Variants in CARD8 observed in about 807,000 individuals in gnomAD.
The protein encoded by CARD8 is caspase recruitment domain family member 8.
Under a neutral mutation model 53.2 loss-of-function variants are expected in CARD8, and 38 were observed. The ratio of observed to expected loss-of-function variants is 0.71; its 90% CI spans 0.55 to 0.94. The LOEUF is 0.94. Among genes scored for constraint, CARD8 ranks in the 40% least tolerant of loss-of-function variants. The probability of loss-of-function intolerance (pLI) is 0.00; values close to 1 mark genes in which losing one functional copy is unlikely to be tolerated. For synonymous variants in CARD8, 245 were observed against 244.9 expected, an observed-to-expected ratio of 1.00 and a Z score of 0.00; for missense variants, 561 against 655.5, an observed-to-expected ratio of 0.86 and a Z score of 1.57.
At chr19:48,237,687 C>G (rs529047686) in intron 5 of CARD8, among the ~76,000 whole-genome samples, 4 of 151,424 alleles carry the variant, frequency 2.6e-5, no homozygotes, top group Non-Finnish European at 5.9e-5. Flanking sequence ...ATTCCAGCTA[C>G]TTGGGAGGCT....
intron 3 of CARD8, among the ~76,000 whole-genome samples, chr19:48,243,706 C>G (rs1568911001): frequency 6.6e-6 from 1 of 152,064 alleles, no homozygotes; most frequent in Non-Finnish European, 1.5e-5. Flanking sequence ...TCTCATGAAG[C>G]CAGGCACAGT....
At chr19:48,218,507 ACCACACCT>A (rs2039830290) in intron 12 of CARD8, among the ~76,000 whole-genome samples, 1 of 151,916 alleles carries the variant, frequency 6.6e-6, no homozygotes, top group Non-Finnish European at 1.5e-5. Flanking sequence ...GGCATGTACC[ACCACACCT>A]GGCTAATTTT....
chr19:48,246,110 C>A (rs543396291), intron 3 of CARD8, among the ~76,000 whole-genome samples: 2 of 152,214 alleles, frequency 1.3e-5, no homozygotes, highest in East Asian at 3.9e-4. Context: ...AGTCTGTGAC[C>A]GTTTCTTATT....
intron 11 of CARD8, among the ~76,000 whole-genome samples, chr19:48,219,897 G>A (rs1022227730): frequency 6.6e-6 from 1 of 152,122 alleles, no homozygotes; most frequent in Non-Finnish European, 1.5e-5. Flanking sequence ...CTTGAACCCA[G>A]GGAAAGAAGG....
At chr19:48,214,827 C>T (rs1320906880) in intron 13 of CARD8, among the ~76,000 whole-genome samples, 86 of 115,752 alleles carry the variant, frequency 7.4e-4, no homozygotes, top group Non-Finnish European at 1.6e-5. Flanking sequence ...CTTGCTCTGT[C>T]GCCCAGGCTG....
At position 48,241,154 on chromosome 19, in the gene CARD8, C is replaced by A. The variant is rs576314679; in HGVS notation, c.-43-91G>T. On this transcript the variant is annotated intron_variant, in intron 3 of 13. Transcript: ENST00000651546. ...TGTGTCTCTCAAAGGTTGACAAAAGCGCTTATTGCTCATTCACAAGAGATG... is the reference window on the plus strand; with the variant it reads ...TGTGTCTCTCAAAGGTTGACAAAAGAGCTTATTGCTCATTCACAAGAGATG... 2.7e-5 allele frequency: 19 copies of A among 711,088 alleles called. No homozygotes were observed. In the East Asian group the frequency reaches 4.9e-4, roughly 18 times the overall value. The allele number at this position is 711,088 out of a possible 1,614,324, so 44.0% of individuals were successfully genotyped here. A position where few individuals can be genotyped will look rare whatever the true frequency, so the allele number is the denominator to read the frequency against.
At chr19:48,255,473 TAAC>T (rs1377293904) in intron 1 of CARD8, among the ~76,000 whole-genome samples, 3 of 152,238 alleles carry the variant, frequency 2.0e-5, no homozygotes, top group Non-Finnish European at 2.9e-5. Flanking sequence ...TTATTAGTAT[TAAC>T]AACATAAACA....
chr19:48,230,193 CCTT>C (rs758112826), intron 10 of CARD8, among the ~76,000 whole-genome samples: 1 of 152,178 alleles, frequency 6.6e-6, no homozygotes, highest in Non-Finnish European at 1.5e-5. Context: ...CTAACTTTCT[CCTT>C]CTTGAGAGCC....
chr19:48,233,849 AC>A, intron 6 of CARD8: 1 of 161,432 alleles, frequency 6.2e-6, no homozygotes, highest in Middle Eastern at 3.1e-3. Flanking sequence ...TCATTTTTCT[AC>A]ACTTTTCAGC....
Position 48,211,506 on chromosome 19 carries a change from T to A in CARD8, c.*204A>T. ...AAAATTTAAAAGGAATATTACTACC[T>A]TCTTCAGACATTCTTGAGGAAAATG... On this transcript the variant is annotated 3_prime_UTR_variant, in exon 14 of 14. Transcript: ENST00000651546. 1.8e-6 allele frequency: 1 copy of A among 560,934 alleles called. No homozygotes were observed. Among genetic ancestry groups the A allele is most frequent in the South Asian group, 2.4e-5 (1 of 41,748 alleles). The allele number at this position is 560,934 out of a possible 1,614,324, so 34.7% of individuals were successfully genotyped here.
At chr19:48,242,641 G>T (rs1277448173) in intron 3 of CARD8, 2 of 152,142 alleles carry the variant, frequency 1.3e-5, no homozygotes, top group African/African-American at 4.8e-5. Context: ...GTTCCACTTT[G>T]GGGCTGTTAT....
chr19:48,255,914 G>A (rs981441401), upstream of CARD8: 2 of 152,190 alleles, frequency 1.3e-5, no homozygotes, highest in African/African-American at 4.8e-5. Context: ...TCGCAGAGGA[G>A]GTGGGCTTTC....
chr19:48,213,912 A>G (rs1403873335), intron 13 of CARD8, among the ~76,000 whole-genome samples: 1 of 152,084 alleles, frequency 6.6e-6, no homozygotes, highest in African/African-American at 2.4e-5. Context: ...AAATATTTCA[A>G]CTTTTATTCT....
At chr19:48,253,459 G>A (rs1002357120) in intron 1 of CARD8, among the ~76,000 whole-genome samples, 4 of 152,082 alleles carry the variant, frequency 2.6e-5, no homozygotes, top group African/African-American at 9.7e-5. Flanking sequence ...TCATATGACA[G>A]TGGCAGTGAT....
intron 5 of CARD8, among the ~76,000 whole-genome samples, chr19:48,235,826 C>A (rs1250416074): frequency 6.7e-6 from 1 of 149,142 alleles, no homozygotes; most frequent in Non-Finnish European, 1.5e-5. Flanking sequence ...AGAAAAAAAT[C>A]ATTGACAAAA....
At chr19:48,223,032 A>G (rs891217435) in intron 10 of CARD8, among the ~76,000 whole-genome samples, 4 of 152,062 alleles carry the variant, frequency 2.6e-5, no homozygotes, top group East Asian at 3.9e-4. Flanking sequence ...GGCCAGGTGC[A>G]GTGGCTTATG....
chr19:48,207,743 T>TC (rs781277588), downstream of CARD8, among the ~76,000 whole-genome samples: 36 of 63,744 alleles, frequency 5.6e-4, 1 homozygote, highest in Non-Finnish European at 1.2e-3. Context: ...TGTTTTTTTT[T>TC]TTTTTTTTTT....
intron 3 of CARD8, among the ~76,000 whole-genome samples, chr19:48,242,266 G>A (rs570482000): frequency 1.9e-4 from 29 of 152,220 alleles, no homozygotes; most frequent in Middle Eastern, 6.8e-3. Context: ...GCTTTCTACC[G>A]TGGGAGGGCG....
chr19:48,204,431 A>T (rs1397886143), downstream of CARD8, among the ~76,000 whole-genome samples: 1 of 151,922 alleles, frequency 6.6e-6, no homozygotes, highest in Non-Finnish European at 1.5e-5. Flanking sequence ...TAATAAGGAG[A>T]TTTGGGGAGA....
Sources: gnomAD v4.1 joint callset for allele counts (sites outside exome capture counted in the v4.1 genomes callset) on GRCh38, gnomAD v4.1.1 for gene constraint, MANE v1.5 for transcripts, NCBI Gene and HGNC (gene_info 2026-07-23, HGNC 2026-07-21) for gene names.